The following DACH2 variants were observed in gnomAD, a reference collection of about 807,000 sequenced individuals.
DACH2 encodes dachshund family transcription factor 2.
DACH2 carries 17 observed loss-of-function variants against 35.8 expected under a neutral mutation model. That is an observed-to-expected ratio of 0.48 (90% CI 0.33 to 0.71). DACH2 has a LOEUF of 0.71. Among genes scored for constraint, DACH2 ranks in the 30% least tolerant of loss-of-function variants. The pLI is 0.02. For missense variants in DACH2, 469 were observed against 472.7 expected, an observed-to-expected ratio of 0.99 and a Z score of 0.07; for synonymous variants, 195 against 177.3, an observed-to-expected ratio of 1.10 and a Z score of -0.79.
In DACH2 at chrX:86,638,519, A is replaced by G. The variant is rs768365470; in HGVS notation, c.641-12517A>G. ...TTGCAAACTCTGCATCCAACAGGGG[A>G]TTGATAGTCATAATTTATAAGAAAC... is the stretch of plus-strand genomic sequence containing the variant. On this transcript the variant is annotated intron_variant, in intron 3 of 11. Transcript: ENST00000373125. Among the ~76,000 whole-genome samples the G allele has an allele frequency of 5.4e-5, 6 of 111,227 alleles. No homozygotes were observed. The South Asian group carries it at 1.9e-3, about 36-fold the overall frequency.
chrX:86,228,534 T>C (rs2032877496), intron 1 of DACH2, among the ~76,000 whole-genome samples: 2 of 110,653 alleles, frequency 1.8e-5, no homozygotes, highest in Non-Finnish European at 3.8e-5. Flanking sequence ...TTAAGAAATC[T>C]CCACACTGTT....
At chrX:86,636,708 C>T (rs2040270175) in intron 3 of DACH2, among the ~76,000 whole-genome samples, 1 of 111,113 alleles carries the variant, frequency 9.0e-6, no homozygotes, top group African/African-American at 3.3e-5. Flanking sequence ...CAAAAATTAA[C>T]TCAATATGGA....
At chrX:86,357,538 CA>C (rs2035663125) in intron 1 of DACH2, among the ~76,000 whole-genome samples, 1 of 112,108 alleles carries the variant, frequency 8.9e-6, no homozygotes, top group African/African-American at 3.2e-5. Flanking sequence ...GGTCATATTA[CA>C]AAGGTAATGT....
At chrX:86,818,861 G>T (rs771005869) in intron 11 of DACH2, among the ~76,000 whole-genome samples, 2 of 109,703 alleles carry the variant, frequency 1.8e-5, no homozygotes, top group Non-Finnish European at 3.8e-5. Context: ...AATTTAAAAG[G>T]CACTTGGAAA....
chrX:86,462,318 C>T (rs1343948316), intron 2 of DACH2, among the ~76,000 whole-genome samples: 1 of 111,273 alleles, frequency 9.0e-6, no homozygotes, highest in African/African-American at 3.3e-5. Flanking sequence ...GAGCACATTC[C>T]TTCCTTGGGA....
intron 7 of DACH2, among the ~76,000 whole-genome samples, chrX:86,755,833 G>A (rs771594898): frequency 5.8e-4 from 64 of 109,622 alleles, no homozygotes; most frequent in African/African-American, 1.9e-3. Context: ...TCCTGACCTC[G>A]TGATCCACCC....
intron 3 of DACH2, among the ~76,000 whole-genome samples, chrX:86,562,613 G>T (rs1367275459): frequency 1.8e-5 from 2 of 111,328 alleles, no homozygotes; most frequent in Non-Finnish European, 3.8e-5. Flanking sequence ...ACCAAATTAA[G>T]GTTTTCTCTC....
At chrX:86,708,403 A>G (rs2041242898) in intron 5 of DACH2, among the ~76,000 whole-genome samples, 1 of 111,612 alleles carries the variant, frequency 9.0e-6, no homozygotes, top group Non-Finnish European at 1.9e-5. Context: ...TTTACAAAAA[A>G]TTCTCATAGA....
intron 3 of DACH2, among the ~76,000 whole-genome samples, chrX:86,609,050 A>G (rs978018154): frequency 3.0e-4 from 33 of 111,585 alleles, no homozygotes; most frequent in Non-Finnish European, 3.4e-4. Context: ...GTCCCTTTGA[A>G]TAAACTTTCT....
At chrX:86,409,457 G>A (rs759064115) in intron 2 of DACH2, among the ~76,000 whole-genome samples, 2 of 111,305 alleles carry the variant, frequency 1.8e-5, no homozygotes, top group East Asian at 5.7e-4. Context: ...CCCATGAATG[G>A]TTTAGCACCA....
chrX:86,616,150 AT>A (rs895012970), intron 3 of DACH2, among the ~76,000 whole-genome samples: 14 of 111,628 alleles, frequency 1.3e-4, no homozygotes, highest in Non-Finnish European at 2.5e-4. Context: ...TCTGAACCAT[AT>A]TTTTTTAATT....
chrX:86,547,559 A>G (rs2038993342), intron 3 of DACH2, among the ~76,000 whole-genome samples: 1 of 108,530 alleles, frequency 9.2e-6, no homozygotes, highest in Non-Finnish European at 1.9e-5. Flanking sequence ...ACACACACAC[A>G]CACACACACC....
chrX:86,421,532 T>C (rs922864427), intron 2 of DACH2, among the ~76,000 whole-genome samples: 4 of 111,452 alleles, frequency 3.6e-5, no homozygotes, highest in Non-Finnish European at 7.6e-5. Context: ...GAAGAGAACT[T>C]GGTAGAAAAA....
At chrX:86,372,427 C>T (rs755792081) in intron 1 of DACH2, among the ~76,000 whole-genome samples, 1 of 110,444 alleles carries the variant, frequency 9.1e-6, no homozygotes, top group Non-Finnish European at 1.9e-5. Context: ...AAAATAGCAG[C>T]CATAAAATTC....
intron 7 of DACH2, among the ~76,000 whole-genome samples, chrX:86,744,918 C>T (rs1209767451): frequency 1.8e-5 from 2 of 111,026 alleles, no homozygotes; most frequent in Non-Finnish European, 3.8e-5. Context: ...TCTACTTTAC[C>T]TGTGTGGAAA....
At chrX:86,616,362 T>C (rs886132293) in intron 3 of DACH2, among the ~76,000 whole-genome samples, 3 of 112,020 alleles carry the variant, frequency 2.7e-5, no homozygotes, top group African/African-American at 9.7e-5. Context: ...TTTTCCGTAA[T>C]GATTTAACTA....
At chrX:86,799,866 T>G (rs768192843) in intron 7 of DACH2, among the ~76,000 whole-genome samples, 10 of 111,691 alleles carry the variant, frequency 9.0e-5, no homozygotes, top group Non-Finnish European at 1.9e-4. Context: ...GTAGCTCATC[T>G]TTTTGAGGGC....
At chrX:86,190,673 G>A (rs1476302375) in intron 1 of DACH2, among the ~76,000 whole-genome samples, 5 of 112,080 alleles carry the variant, frequency 4.5e-5, no homozygotes, top group African/African-American at 9.7e-5. Context: ...GGCCAGGCGC[G>A]GTGGCTCACG....
intron 3 of DACH2, among the ~76,000 whole-genome samples, chrX:86,539,087 C>T (rs937048562): frequency 4.5e-5 from 5 of 111,070 alleles, no homozygotes; most frequent in Admixed American, 3.8e-4. Context: ...AATCTCATCT[C>T]GAATTGTAAT....
Sources: gnomAD v4.1 joint callset for allele counts (sites outside exome capture counted in the v4.1 genomes callset) on GRCh38, gnomAD v4.1.1 for gene constraint, MANE v1.5 for transcripts, NCBI Gene and HGNC (gene_info 2026-07-23, HGNC 2026-07-21) for gene names.